The following ADGRB3 variants were observed in gnomAD, a reference collection of about 807,000 sequenced individuals.
ADGRB3 encodes adhesion G protein-coupled receptor B3.
In ADGRB3, 37 loss-of-function variants were observed where a neutral mutation model predicts 193.4. The ratio of observed to expected loss-of-function variants is 0.19; its 90% CI spans 0.15 to 0.25. ADGRB3 has a LOEUF of 0.25. ADGRB3 is among the 10% of genes least tolerant of loss of function. ADGRB3 has a pLI of 1.00. For synonymous variants in ADGRB3, 690 were observed against 644.2 expected, an observed-to-expected ratio of 1.07 and a Z score of -1.08; for missense variants, 1,637 against 1,852.9, an observed-to-expected ratio of 0.88 and a Z score of 2.14.
chr6:68,845,378 A>G (rs972749643), intron 3 of ADGRB3, among the ~76,000 whole-genome samples: 3 of 152,106 alleles, frequency 2.0e-5, no homozygotes, highest in Admixed American at 2.0e-4. Context: ...ACCTGGAGAG[A>G]GGCATGGGAC....
chr6:69,319,369 A>G (rs1250795220), intron 20 of ADGRB3, among the ~76,000 whole-genome samples: 1 of 151,198 alleles, frequency 6.6e-6, no homozygotes, highest in Admixed American at 6.6e-5. Flanking sequence ...ATTTTATTTC[A>G]CTTTCTATCC....
chr6:69,173,840 A>G (rs1775353378), intron 17 of ADGRB3, among the ~76,000 whole-genome samples: 1 of 152,232 alleles, frequency 6.6e-6, no homozygotes, highest in African/African-American at 2.4e-5. Flanking sequence ...CAAATGAAAC[A>G]ATGATGGGAG....
At chr6:68,763,046 A>C (rs6455299) in intron 3 of ADGRB3, among the ~76,000 whole-genome samples, 120,135 of 152,162 alleles carry the variant, frequency 0.79, 47,646 homozygotes, top group Middle Eastern at 0.91. Flanking sequence ...ACTAGTTGAT[A>C]TTTCTGATAC....
intron 3 of ADGRB3, among the ~76,000 whole-genome samples, chr6:68,848,722 G>T (rs574300192): frequency 6.6e-6 from 1 of 151,992 alleles, no homozygotes; most frequent in African/African-American, 2.4e-5. Flanking sequence ...TTTGACAGAG[G>T]AACAAGTAAC....
chr6:68,767,341 C>G (rs1766528967), intron 3 of ADGRB3, among the ~76,000 whole-genome samples: 1 of 152,140 alleles, frequency 6.6e-6, no homozygotes, highest in Non-Finnish European at 1.5e-5. Context: ...GCTTATCCAC[C>G]ATGATCAAGT....
chr6:68,714,512 C>T (rs1013404866), intron 3 of ADGRB3, among the ~76,000 whole-genome samples: 2 of 151,612 alleles, frequency 1.3e-5, no homozygotes, highest in East Asian at 3.9e-4. Context: ...AAAAACACAG[C>T]TTGATTGAAT....
At chr6:68,980,317 A>T (rs1768870906) in intron 10 of ADGRB3, among the ~76,000 whole-genome samples, 1 of 151,498 alleles carries the variant, frequency 6.6e-6, no homozygotes, top group Non-Finnish European at 1.5e-5. Flanking sequence ...CTCTACTCTT[A>T]TGGGTAGTTT....
chr6:68,750,511 G>A (rs1387376151), intron 3 of ADGRB3, among the ~76,000 whole-genome samples: 1 of 152,118 alleles, frequency 6.6e-6, no homozygotes, highest in Non-Finnish European at 1.5e-5. Context: ...CTATATATTT[G>A]CACTGAAGCA....
chr6:68,691,655 A>C (rs764144097), intron 3 of ADGRB3, among the ~76,000 whole-genome samples: 5 of 151,948 alleles, frequency 3.3e-5, no homozygotes, highest in Non-Finnish European at 7.4e-5. Flanking sequence ...TTTAATTCAC[A>C]TTTTCACATT....
chr6:68,999,134 T>G (rs1769484231), intron 11 of ADGRB3, among the ~76,000 whole-genome samples: 1 of 152,210 alleles, frequency 6.6e-6, no homozygotes, highest in African/African-American at 2.4e-5. Context: ...GCCACAGTAA[T>G]AATTTTATTT....
At chr6:69,369,695 C>CA (rs913608447) in intron 29 of ADGRB3, among the ~76,000 whole-genome samples, 3,404 of 59,200 alleles carry the variant, frequency 0.058, 59 homozygotes, top group Non-Finnish European at 0.076. Flanking sequence ...AAGACCATTT[C>CA]AAAAAAAAAA....
At chr6:68,987,878 A>G (rs932551398) in intron 10 of ADGRB3, among the ~76,000 whole-genome samples, 2 of 152,208 alleles carry the variant, frequency 1.3e-5, no homozygotes, top group African/African-American at 2.4e-5. Flanking sequence ...TAGCAAGTAT[A>G]TAACTGTAGA....
At chr6:69,333,941 TAAAATAAAATAAAATAAA>T (rs1302385315) in intron 24 of ADGRB3, among the ~76,000 whole-genome samples, 2 of 1,026 alleles carry the variant, frequency 1.9e-3, no homozygotes, top group Admixed American at 0.016. Flanking sequence ...AAAAACAAAA[TAAAATAAAATAAAATAAA>T]ATAAAATAAA....
chr6:69,354,444 T>G (rs1199995131), intron 27 of ADGRB3, 116 bp downstream of exon 27: 1 of 826,364 alleles, frequency 1.2e-6, no homozygotes, highest in Non-Finnish European at 2.0e-6. Flanking sequence ...TTGGCTTCAG[T>G]TCATTAATAG....
intron 3 of ADGRB3, among the ~76,000 whole-genome samples, chr6:68,916,710 C>T (rs1400338888): frequency 6.6e-6 from 1 of 151,962 alleles, no homozygotes; most frequent in Non-Finnish European, 1.5e-5. Context: ...CTGTCAAGCA[C>T]AATTAGTTTT....
chr6:69,137,855 T>G (rs919940678), intron 17 of ADGRB3, among the ~76,000 whole-genome samples: 1 of 152,164 alleles, frequency 6.6e-6, no homozygotes, highest in Admixed American at 6.5e-5. Context: ...ACACAATAGA[T>G]ACCTTTCTCT....
chr6:68,867,799 C>G (rs1030395699), intron 3 of ADGRB3, among the ~76,000 whole-genome samples: 4 of 152,200 alleles, frequency 2.6e-5, no homozygotes, highest in Non-Finnish European at 5.9e-5. Context: ...GATTTAATGA[C>G]TGTCCTGCTG....
At chr6:69,148,012 C>T (rs1029972811) in intron 17 of ADGRB3, among the ~76,000 whole-genome samples, 5 of 152,088 alleles carry the variant, frequency 3.3e-5, no homozygotes, top group African/African-American at 1.2e-4. Flanking sequence ...TACTTTCAGT[C>T]TATTTGTGTT....
intron 26 of ADGRB3, among the ~76,000 whole-genome samples, chr6:69,344,444 C>T (rs1000643227): frequency 3.9e-5 from 6 of 152,154 alleles, no homozygotes; most frequent in Non-Finnish European, 7.4e-5. Flanking sequence ...TTCCACAAGG[C>T]GTACAGATAA....
Sources: gnomAD v4.1 joint callset for allele counts (sites outside exome capture counted in the v4.1 genomes callset) on GRCh38, gnomAD v4.1.1 for gene constraint, MANE v1.5 for transcripts, NCBI Gene and HGNC (gene_info 2026-07-23, HGNC 2026-07-21) for gene names.